Variants in LARGE1 observed in about 807,000 individuals in gnomAD.
The protein encoded by LARGE1 is xylosyl- and glucuronyltransferase LARGE1.
Under a neutral mutation model 87.6 loss-of-function variants are expected in LARGE1, and 43 were observed. The ratio of observed to expected loss-of-function variants is 0.49; its 90% CI spans 0.38 to 0.63. The LOEUF is 0.63. LARGE1 is among the 30% of genes least tolerant of loss of function. The pLI, the probability that LARGE1 is intolerant of heterozygous loss-of-function variation, is 0.00. For missense variants in LARGE1, 802 were observed against 1,000.2 expected, an observed-to-expected ratio of 0.80 and a Z score of 2.67; for synonymous variants, 434 against 394.6, an observed-to-expected ratio of 1.10 and a Z score of -1.18.
At chr22:33,544,016 A>G (rs5999003) in intron 6 of LARGE1, among the ~76,000 whole-genome samples, 17,867 of 152,244 alleles carry the variant, frequency 0.12, 2,273 homozygotes, top group African/African-American at 0.32. Context: ...GAATGTCCAC[A>G]TAACCAGCCC....
Position 33,764,166 on chromosome 22 carries a change from T to C in LARGE1, c.-82-2608A>G, listed in dbSNP as rs528564652. Among the ~76,000 whole-genome samples, 5 of 151,968 alleles carry C rather than the reference T, an allele frequency of 3.3e-5. No homozygotes were observed. The East Asian group carries it at 9.8e-4, about 30-fold the overall frequency. On this transcript the variant is annotated intron_variant, in intron 1 of 14. Coordinates refer to ENST00000397394, the MANE Select transcript of LARGE1 (RefSeq NM_133642.5). ...CCTGACCCTTAATGAGGTTTTCATCTCTCTCTACTCCCACATTTCCCCCAC... is the reference window on the plus strand; with the variant it reads ...CCTGACCCTTAATGAGGTTTTCATCCCTCTCTACTCCCACATTTCCCCCAC...
the LARGE1 span, among the ~76,000 whole-genome samples, chr22:33,118,174 G>A: frequency 1.1e-4 from 17 of 152,212 alleles, no homozygotes; most frequent in African/African-American, 3.4e-4. Flanking sequence ...GAGGCAGTTG[G>A]ACAAAGCATT....
intron 12 of LARGE1, among the ~76,000 whole-genome samples, chr22:33,292,460 C>G (rs993196224): frequency 6.6e-6 from 1 of 152,088 alleles, no homozygotes; most frequent in South Asian, 2.1e-4. Context: ...CAACCTCAAG[C>G]AGCTGCAGGG....
intron 3 of LARGE1, among the ~76,000 whole-genome samples, chr22:33,629,964 C>T (rs139800897): frequency 2.6e-5 from 4 of 151,998 alleles, no homozygotes; most frequent in Non-Finnish European, 5.9e-5. Flanking sequence ...TTTGGGAGGC[C>T]GAGGCGGCGG....
intron 6 of LARGE1, among the ~76,000 whole-genome samples, chr22:33,469,434 C>A (rs1315424416): frequency 1.3e-5 from 2 of 152,118 alleles, no homozygotes; most frequent in Admixed American, 1.3e-4. Context: ...CGCAGGAACA[C>A]AAAATGTTTA....
chr22:33,557,119 C>A (rs1037255498), intron 6 of LARGE1, among the ~76,000 whole-genome samples: 3 of 152,128 alleles, frequency 2.0e-5, no homozygotes, highest in Admixed American at 6.6e-5. Flanking sequence ...CCCTATGGGG[C>A]GGTTATTAAT....
In LARGE1 at chr22:33,519,227, TGC is replaced by T. The variant is rs1555943708; in HGVS notation, c.787+45619_787+45620del. On this transcript the variant is annotated intron_variant, in intron 6 of 14. Transcript: ENST00000397394. ...TCTGCAGGTCCCTGAGCTGCGTGCG[TGC>T]GCGCGCGTGTGTGTGTGTGTGTGTG... is the stretch of plus-strand genomic sequence containing the variant. 5.0e-3 allele frequency among the ~76,000 whole-genome samples: 675 copies of T among 136,306 alleles called. 6 individuals carry two copies. Among genetic ancestry groups the T allele is most frequent in the African/African-American group, 0.016 (638 of 40,334 alleles). 89.4% of individuals were successfully genotyped at this position (136,306 alleles called of 152,430 possible). A position where few individuals can be genotyped will look rare whatever the true frequency, so the allele number is the denominator to read the frequency against.
chr22:33,850,555 C>A (rs1208290398), intron 1 of LARGE1, among the ~76,000 whole-genome samples: 1 of 152,162 alleles, frequency 6.6e-6, no homozygotes, highest in African/African-American at 2.4e-5. Context: ...ATAACAAACA[C>A]CTAATAAATG....
chr22:33,697,190 G>GGT (rs2082277056), intron 2 of LARGE1, among the ~76,000 whole-genome samples: 1 of 152,246 alleles, frequency 6.6e-6, no homozygotes, highest in African/African-American at 2.4e-5. Context: ...TTTTGAGGCA[G>GGT]CTGTCGTTAG....
chr22:33,673,640 CT>C (rs1184343478), intron 2 of LARGE1, among the ~76,000 whole-genome samples: 2 of 152,190 alleles, frequency 1.3e-5, no homozygotes, highest in Non-Finnish European at 2.9e-5. Flanking sequence ...ATCTCCAGAA[CT>C]TTTTCATCTT....
At chr22:33,146,504 C>T in the LARGE1 span, among the ~76,000 whole-genome samples, 2 of 152,132 alleles carry the variant, frequency 1.3e-5, no homozygotes, top group Non-Finnish European at 2.9e-5. Context: ...AGGGGAAAGA[C>T]TCAGTTGGCT....
intron 9 of LARGE1, among the ~76,000 whole-genome samples, chr22:33,347,429 T>C (rs2146701904): frequency 6.6e-6 from 1 of 152,316 alleles, no homozygotes; most frequent in African/African-American, 2.4e-5. Flanking sequence ...TTCTCAATAA[T>C]CCTCACATTT....
intron 11 of LARGE1, among the ~76,000 whole-genome samples, chr22:33,208,430 T>G (rs1568974295): frequency 6.6e-6 from 1 of 152,198 alleles, no homozygotes; most frequent in Non-Finnish European, 1.5e-5. Context: ...GGTAACTATG[T>G]CACAAAGATC....
chr22:33,255,439 T>C (rs2145729641), intron 11 of LARGE1, among the ~76,000 whole-genome samples: 1 of 152,324 alleles, frequency 6.6e-6, no homozygotes. Flanking sequence ...TGCTCTCTGG[T>C]ATCCTCTTGG....
chr22:33,853,155 T>C (rs1047965552), intron 1 of LARGE1, among the ~76,000 whole-genome samples: 18 of 151,996 alleles, frequency 1.2e-4, no homozygotes, highest in African/African-American at 3.9e-4. Context: ...AACTGAGAAC[T>C]AGAGAGGTCT....
rs973065974 is a variant in LARGE1, at chr22:33,387,035, C to T, written c.893-2731G>A. On this transcript the variant is annotated intron_variant, in intron 7 of 14. Coordinates refer to ENST00000397394, the MANE Select transcript of LARGE1 (RefSeq NM_133642.5). ...AGGAGAAGTGCTTGAATCCAGGAGG[C>T]GGAGGTTGCAGTGAGCCGAGATTGT... Among the ~76,000 whole-genome samples, 7 of 148,202 alleles carry T rather than the reference C, an allele frequency of 4.7e-5. 1 individual carries two copies. Among genetic ancestry groups the T allele is most frequent in the Admixed American group, 3.4e-4 (5 of 14,898 alleles).
chr22:33,886,015 G>GTGAGACTCTGGTCAATAAAT (rs1357874180), intron 1 of LARGE1, among the ~76,000 whole-genome samples: 1 of 151,900 alleles, frequency 6.6e-6, no homozygotes, highest in Non-Finnish European at 1.5e-5. Flanking sequence ...GGGTGACAGA[G>GTGAGACTCTGGTCAATAAAT]TGAGACTCTG....
At chr22:33,508,743 A>C (rs1392578209) in intron 6 of LARGE1, among the ~76,000 whole-genome samples, 1 of 152,210 alleles carries the variant, frequency 6.6e-6, no homozygotes, top group Non-Finnish European at 1.5e-5. Context: ...CAAGCATTAA[A>C]AACTCATCGC....
At chr22:33,328,195 G>A (rs1286290903) in intron 10 of LARGE1, among the ~76,000 whole-genome samples, 1 of 152,208 alleles carries the variant, frequency 6.6e-6, no homozygotes, top group Non-Finnish European at 1.5e-5. Context: ...GTCGTAGAGA[G>A]ACCACTCAAC....
Sources: allele counts gnomAD v4.1 joint callset (sites outside exome capture counted in the v4.1 genomes callset), GRCh38; gene constraint gnomAD v4.1.1; transcripts MANE v1.5; gene names NCBI Gene and HGNC (gene_info 2026-07-23, HGNC 2026-07-21).